The following CSMD1 variants were observed in gnomAD, a reference collection of about 807,000 sequenced individuals.
The protein encoded by CSMD1 is CUB and Sushi multiple domains 1, also known as CUB and sushi domain-containing protein 1.
Under a neutral mutation model 417.5 loss-of-function variants are expected in CSMD1, and 213 were observed. The ratio of observed to expected loss-of-function variants is 0.51; its 90% CI spans 0.46 to 0.57. CSMD1 has a LOEUF of 0.57. Ranked by LOEUF, CSMD1 falls within the 20% of genes least tolerant of loss-of-function variation. The pLI is 0.00. For synonymous variants in CSMD1, 2,862 were observed against 1,736.8 expected, an observed-to-expected ratio of 1.65 and a Z score of -16.11; for missense variants, 6,923 against 4,529.7, an observed-to-expected ratio of 1.53 and a Z score of -15.17.
chr8:3,548,223 G>C (rs186912390), intron 10 of CSMD1, among the ~76,000 whole-genome samples: 9 of 152,306 alleles, frequency 5.9e-5, no homozygotes, highest in African/African-American at 2.2e-4. Context: ...GGCTGATGGA[G>C]CCATCTCAGT....
At chr8:3,032,862 C>G (rs932640320) in intron 50 of CSMD1, among the ~76,000 whole-genome samples, 1 of 152,030 alleles carries the variant, frequency 6.6e-6, no homozygotes, top group Non-Finnish European at 1.5e-5. Context: ...ACACTGATCT[C>G]TTTATATACC....
At chr8:3,240,774 G>A (rs1369434264) in intron 26 of CSMD1, among the ~76,000 whole-genome samples, 3 of 152,120 alleles carry the variant, frequency 2.0e-5, no homozygotes, top group African/African-American at 4.8e-5. Context: ...GCACCACTGG[G>A]TGGATAGGCA....
intron 3 of CSMD1, among the ~76,000 whole-genome samples, chr8:4,330,105 T>C (rs866460075): frequency 4.6e-5 from 7 of 151,762 alleles, no homozygotes; most frequent in African/African-American, 9.6e-5. Flanking sequence ...CAGTCCAATA[T>C]AGTCAGCATT....
At chr8:3,354,867 A>ATATCTATATCTATAGATCTATC (rs1484002245) in intron 21 of CSMD1, among the ~76,000 whole-genome samples, 2 of 55,396 alleles carry the variant, frequency 3.6e-5, no homozygotes, top group African/African-American at 2.4e-4. Context: ...CTATATATAG[A>ATATCTATATCTATAGATCTATC]TATACATATA....
At chr8:4,791,290 G>A (rs1049072936) in intron 1 of CSMD1, among the ~76,000 whole-genome samples, 1 of 152,150 alleles carries the variant, frequency 6.6e-6, no homozygotes, top group South Asian at 2.1e-4. Context: ...ACGAAGGTGG[G>A]CCTCTTTCCA....
At chr8:3,606,620 C>A (rs1801627383) in intron 8 of CSMD1, among the ~76,000 whole-genome samples, 2 of 152,086 alleles carry the variant, frequency 1.3e-5, no homozygotes, top group South Asian at 2.1e-4. Flanking sequence ...CTTAGAAACA[C>A]TGTATCCTTG....
chr8:4,277,901 C>G (rs1796574361), intron 3 of CSMD1, among the ~76,000 whole-genome samples: 1 of 152,062 alleles, frequency 6.6e-6, no homozygotes, highest in South Asian at 2.1e-4. Flanking sequence ...GCGCCCACCA[C>G]CATCCCCGGC....
At chr8:3,475,758 C>T (rs1433769594) in intron 11 of CSMD1, among the ~76,000 whole-genome samples, 4 of 152,140 alleles carry the variant, frequency 2.6e-5, no homozygotes, top group Admixed American at 6.5e-5. Context: ...GTATGTGAAG[C>T]GGTTAACCCA....
intron 2 of CSMD1, among the ~76,000 whole-genome samples, chr8:4,446,095 G>C (rs1050583740): frequency 6.6e-6 from 1 of 152,296 alleles, no homozygotes; most frequent in South Asian, 2.1e-4. Flanking sequence ...CGTGTTCACT[G>C]TAGACAGCAA....
chr8:4,247,452 C>T (rs1802782118), intron 3 of CSMD1, among the ~76,000 whole-genome samples: 1 of 152,278 alleles, frequency 6.6e-6, no homozygotes, highest in South Asian at 2.1e-4. Flanking sequence ...AGAGCAGCCT[C>T]ATGAAAAATG....
intron 12 of CSMD1, among the ~76,000 whole-genome samples, chr8:3,447,112 A>G (rs745339487): frequency 6.6e-6 from 1 of 152,220 alleles, no homozygotes; most frequent in African/African-American, 2.4e-5. Context: ...TAAAAGGATT[A>G]AGAAAACATC....
intron 50 of CSMD1, chr8:3,043,618 G>C (rs1166508035): frequency 2.0e-5 from 3 of 151,990 alleles, no homozygotes; most frequent in African/African-American, 7.2e-5. Flanking sequence ...AGTAGTTTTA[G>C]CTAAAGAAAC....
intron 3 of CSMD1, among the ~76,000 whole-genome samples, chr8:4,036,753 G>T (rs1195173389): frequency 1.3e-5 from 2 of 152,158 alleles, no homozygotes; most frequent in African/African-American, 4.8e-5. Context: ...TTTACACCAG[G>T]TCCTCAAATA....
chr8:4,226,191 C>G (rs1801344775), intron 3 of CSMD1, among the ~76,000 whole-genome samples: 2 of 151,934 alleles, frequency 1.3e-5, no homozygotes, highest in Non-Finnish European at 2.9e-5. Flanking sequence ...TAAAGGAGAT[C>G]ATTTTACTAA....
chr8:3,933,241 T>C (rs1383846834), intron 5 of CSMD1, among the ~76,000 whole-genome samples: 1 of 152,186 alleles, frequency 6.6e-6, no homozygotes, highest in Non-Finnish European at 1.5e-5. Context: ...AGAAACAAGA[T>C]TTAGAGTACG....
intron 10 of CSMD1, among the ~76,000 whole-genome samples, chr8:3,540,311 T>C (rs1292445090): frequency 6.6e-6 from 1 of 152,134 alleles, no homozygotes; most frequent in East Asian, 1.9e-4. Flanking sequence ...ATAACTCTTC[T>C]TAGAAATACC....
intron 23 of CSMD1, among the ~76,000 whole-genome samples, chr8:3,313,166 C>G (rs1008733076): frequency 2.0e-5 from 3 of 152,164 alleles, no homozygotes; most frequent in Admixed American, 6.5e-5. Context: ...CATAAAAACT[C>G]TAGAAGAAAA....
chr8:4,263,957 T>A (rs892625343), intron 3 of CSMD1, among the ~76,000 whole-genome samples: 1 of 152,206 alleles, frequency 6.6e-6, no homozygotes, highest in Non-Finnish European at 1.5e-5. Context: ...CAATTTGTCA[T>A]AGCAGAAGAA....
intron 10 of CSMD1, among the ~76,000 whole-genome samples, chr8:3,566,646 A>G (rs1255958512): frequency 6.6e-6 from 1 of 152,202 alleles, no homozygotes; most frequent in Non-Finnish European, 1.5e-5. Context: ...TCAAAAGAAT[A>G]TATACATTCA....
Sources: gnomAD v4.1 joint callset for allele counts (sites outside exome capture counted in the v4.1 genomes callset) on GRCh38, gnomAD v4.1.1 for gene constraint, MANE v1.5 for transcripts, NCBI Gene and HGNC (gene_info 2026-07-23, HGNC 2026-07-21) for gene names.